Variants in WDR72 observed in about 807,000 individuals in gnomAD.
The protein encoded by WDR72 is WD repeat-containing protein 72.
Under a neutral mutation model 124.2 loss-of-function variants are expected in WDR72, and 120 were observed. That is an observed-to-expected ratio of 0.97 (90% CI 0.83 to 1.12). The LOEUF is 1.12. Among genes scored for constraint, WDR72 ranks in the 50% most tolerant of loss-of-function variants. The pLI, the probability that WDR72 is intolerant of heterozygous loss-of-function variation, is 0.00. For synonymous variants in WDR72, 452 were observed against 441.7 expected, an observed-to-expected ratio of 1.02 and a Z score of -0.29; for missense variants, 1,387 against 1,278.8, an observed-to-expected ratio of 1.08 and a Z score of -1.29.
At chr15:53,527,884 T>C (rs1336154992) in intron 18 of WDR72, among the ~76,000 whole-genome samples, 3 of 152,050 alleles carry the variant, frequency 2.0e-5, no homozygotes, top group Admixed American at 1.3e-4. Flanking sequence ...CTCAATATGG[T>C]AGCCAAGAGT....
At chr15:53,543,760 G>T (rs201912813) in intron 18 of WDR72, among the ~76,000 whole-genome samples, 11 of 151,016 alleles carry the variant, frequency 7.3e-5, no homozygotes, top group South Asian at 2.1e-4. Context: ...GACTAATAAA[G>T]AAAAAAAGAG....
At chr15:53,563,371 C>T (rs915054893) in intron 18 of WDR72, among the ~76,000 whole-genome samples, 13 of 151,832 alleles carry the variant, frequency 8.6e-5, no homozygotes, top group East Asian at 3.9e-4. Context: ...CTTTCACTTA[C>T]GACTTCAGTG....
intron 11 of WDR72, among the ~76,000 whole-genome samples, chr15:53,704,779 G>T (rs1188106983): frequency 1.5e-5 from 2 of 133,232 alleles, no homozygotes; most frequent in East Asian, 2.1e-4. Context: ...TGATCCGCCC[G>T]CCTTGGCCTC....
intron 3 of WDR72, among the ~76,000 whole-genome samples, chr15:53,719,998 C>A (rs555043331): frequency 2.6e-5 from 4 of 152,144 alleles, no homozygotes; most frequent in African/African-American, 9.6e-5. Flanking sequence ...ATAATATAGT[C>A]ATACCAACCT....
At chr15:53,719,367 T>G (rs2017807824) in intron 3 of WDR72, among the ~76,000 whole-genome samples, 1 of 152,180 alleles carries the variant, frequency 6.6e-6, no homozygotes, top group Admixed American at 6.5e-5. Context: ...TCTTACATCC[T>G]TATATTTCAC....
At chr15:53,722,278 G>A (rs553214966) in intron 3 of WDR72, among the ~76,000 whole-genome samples, 6 of 151,962 alleles carry the variant, frequency 3.9e-5, no homozygotes, top group Admixed American at 6.6e-5. Flanking sequence ...CAGGTGATCC[G>A]CCTGACTCAG....
At chr15:53,633,630 T>A (rs1159868336) in intron 14 of WDR72, among the ~76,000 whole-genome samples, 1 of 152,220 alleles carries the variant, frequency 6.6e-6, no homozygotes, top group Non-Finnish European at 1.5e-5. Flanking sequence ...AGTCTCTGGA[T>A]ATAATTATAA....
chr15:53,625,426 A>C (rs1215430841), intron 14 of WDR72, among the ~76,000 whole-genome samples: 3 of 152,254 alleles, frequency 2.0e-5, no homozygotes, highest in East Asian at 3.8e-4. Context: ...AAAAGAGAGA[A>C]GGTATTGTTT....
intron 18 of WDR72, among the ~76,000 whole-genome samples, chr15:53,568,983 A>G (rs1894402835): frequency 6.6e-6 from 1 of 152,072 alleles, no homozygotes; most frequent in Admixed American, 6.6e-5. Context: ...ATAATGTTTA[A>G]TTTACCAGTT....
intron 9 of WDR72, among the ~76,000 whole-genome samples, chr15:53,709,132 C>T (rs754592027): frequency 4.6e-5 from 7 of 152,184 alleles, no homozygotes; most frequent in African/African-American, 1.7e-4. Context: ...CTTCATCCTA[C>T]CACAATGCCT....
chr15:53,593,963 T>C (rs2012639400), intron 18 of WDR72, among the ~76,000 whole-genome samples: 1 of 151,968 alleles, frequency 6.6e-6, no homozygotes, highest in African/African-American at 2.4e-5. Flanking sequence ...TACTTTGAAA[T>C]TTCACTTCAA....
intron 2 of WDR72, 56 bp downstream of exon 2, chr15:53,732,941 A>G: frequency 6.2e-6 from 10 of 1,604,496 alleles, no homozygotes; most frequent in Non-Finnish European, 8.5e-6. Flanking sequence ...TAGAAAATGC[A>G]AGTTGTCCGT....
At chr15:53,659,299 C>A (rs986974687) in intron 14 of WDR72, among the ~76,000 whole-genome samples, 2 of 152,210 alleles carry the variant, frequency 1.3e-5, no homozygotes, top group African/African-American at 4.8e-5. Flanking sequence ...GTGTTAACTA[C>A]ATTTGTCACA....
intron 18 of WDR72, among the ~76,000 whole-genome samples, chr15:53,582,210 G>A (rs1311469790): frequency 1.3e-5 from 2 of 151,866 alleles, no homozygotes; most frequent in Admixed American, 6.6e-5. Context: ...AACCATATAT[G>A]TTTTACATAC....
chr15:53,743,436 T>G (rs1192224104), intron 1 of WDR72, among the ~76,000 whole-genome samples: 1 of 152,190 alleles, frequency 6.6e-6, no homozygotes, highest in Non-Finnish European at 1.5e-5. Flanking sequence ...GTGATATATT[T>G]TGGGACTTCC....
Position 53,702,008 on chromosome 15 carries a change from A to G in WDR72, c.1569+126T>C, listed in dbSNP as rs556541910. ...TATATATGAATCATCCAGTTGTATT[A>G]TAAGTACATAGAACTCATGTTTTTC... On this transcript the variant is annotated intron_variant, in intron 12 of 19. Coordinates refer to ENST00000360509, the MANE Select transcript of WDR72 (RefSeq NM_182758.4). The G allele has an allele frequency of 8.2e-6, 5 of 610,110 alleles. No individual in the cohort carries two copies. The East Asian group carries it at 1.2e-4, about 14-fold the overall frequency. The allele number at this position is 610,110 out of a possible 1,614,324, so 37.8% of individuals were successfully genotyped here. A position where few individuals can be genotyped will look rare whatever the true frequency, so the allele number is the denominator to read the frequency against.
rs1417577133 is a variant in WDR72, at chr15:53,668,946, GC to G, written c.1766-3179del. ...AGAGGAAGGAGGAGGAGGAGGAGGA[GC>G]AGGAGGAGGAGGAGAAGGAGGAGGA... On this transcript the variant is annotated intron_variant, in intron 13 of 19. Transcript: ENST00000360509. Among the ~76,000 whole-genome samples, 255 of 38,014 alleles carry G rather than the reference GC, an allele frequency of 6.7e-3. 1 individual carries two copies. Among genetic ancestry groups the G allele is most frequent in the African/African-American group, 0.013 (248 of 18,800 alleles). The allele number at this position is 38,014 out of a possible 152,430, so 24.9% of individuals were successfully genotyped here. A position where few individuals can be genotyped will look rare whatever the true frequency, so the allele number is the denominator to read the frequency against.
chr15:53,753,489 T>G (rs1257387966), intron 1 of WDR72, among the ~76,000 whole-genome samples: 5 of 152,164 alleles, frequency 3.3e-5, no homozygotes, highest in Admixed American at 3.3e-4. Flanking sequence ...CCAAGGTGGT[T>G]TGGAAAAAGT....
At chr15:53,710,478 C>T (rs1225969559) in intron 9 of WDR72, among the ~76,000 whole-genome samples, 1 of 152,106 alleles carries the variant, frequency 6.6e-6, no homozygotes, top group Non-Finnish European at 1.5e-5. Context: ...ACTCTTGAAA[C>T]TTTTCCAATT....
Sources: gnomAD v4.1 joint callset for allele counts (sites outside exome capture counted in the v4.1 genomes callset) on GRCh38, gnomAD v4.1.1 for gene constraint, MANE v1.5 for transcripts, NCBI Gene and HGNC (gene_info 2026-07-23, HGNC 2026-07-21) for gene names.